FREM1: variants seen among roughly 807,000 people sequenced by gnomAD.
The protein encoded by FREM1 is FRAS1 related extracellular matrix 1.
Under a neutral mutation model 210.1 loss-of-function variants are expected in FREM1, and 220 were observed. The observed-to-expected ratio is 1.05, with a 90% CI of 0.94 to 1.17. The LOEUF is 1.17. Among genes scored for constraint, FREM1 ranks in the 50% most tolerant of loss-of-function variants. FREM1 has a pLI of 0.00. For missense variants in FREM1, 3,454 were observed against 2,675.5 expected (o/e 1.29, Z -6.42); for synonymous variants, 1,189 against 980.2 (o/e 1.21, Z -3.98).
In FREM1 at chr9:14,759,611, G is replaced by A. The variant is rs182553535; in HGVS notation, c.5334+161C>T. The stretch of plus-strand genomic sequence containing the variant: ...TTTATGAACTTAGATGATGGATGGA[G>A]GGCCAAGGAGGTTTTGTGCTTAGAA... On this transcript the variant is annotated intron_variant, in intron 28 of 36. Transcript: ENST00000380880. 2.8e-4 allele frequency among the ~76,000 whole-genome samples: 42 copies of A among 151,904 alleles called. 1 individual carries two copies. The highest frequency in any genetic ancestry group is 9.9e-4 in the African/African-American group (41 of 41,432).
At chr9:14,786,898 C>T (rs547599859) in intron 23 of FREM1, among the ~76,000 whole-genome samples, 2 of 152,228 alleles carry the variant, frequency 1.3e-5, no homozygotes, top group South Asian at 4.1e-4. Flanking sequence ...ACACAAAGCA[C>T]CCACGAGAGG....
chr9:14,749,985 C>T (rs1843068691), intron 30 of FREM1, 142 bp downstream of exon 30: 7 of 800,668 alleles, frequency 8.7e-6, no homozygotes, highest in Non-Finnish European at 1.4e-5. Flanking sequence ...GAATAAAGGG[C>T]CTACATCACG....
At chr9:14,765,833 T>C (rs1412192308) in intron 27 of FREM1, among the ~76,000 whole-genome samples, 3 of 152,196 alleles carry the variant, frequency 2.0e-5, no homozygotes, top group Non-Finnish European at 4.4e-5. Flanking sequence ...CATTCAACAT[T>C]GCTTTTGAAG....
intron 11 of FREM1, 141 bp from the exon 12 acceptor site, chr9:14,824,256 G>C (rs1821917024): frequency 1.7e-6 from 1 of 598,044 alleles, no homozygotes; most frequent in Non-Finnish European, 3.0e-6. Context: ...TTTATGTTGG[G>C]AGATTCTAGC....
At chr9:14,852,706 A>C (rs1828000101) in intron 5 of FREM1, among the ~76,000 whole-genome samples, 1 of 152,144 alleles carries the variant, frequency 6.6e-6, no homozygotes, top group Non-Finnish European at 1.5e-5. Flanking sequence ...AAAGAAAAGA[A>C]TCCTCATAGC....
chr9:14,860,533 G>GTATATATATACACA (rs1554706946), intron 3 of FREM1, among the ~76,000 whole-genome samples: 5 of 77,916 alleles, frequency 6.4e-5, no homozygotes, highest in Non-Finnish European at 9.3e-5. Context: ...TAGTAGGTAT[G>GTATATATATACACA]TATATATATA....
intron 10 of FREM1, among the ~76,000 whole-genome samples, chr9:14,833,433 T>G (rs1823952682): frequency 6.6e-6 from 1 of 152,174 alleles, no homozygotes; most frequent in South Asian, 2.1e-4. Flanking sequence ...GAGGAGAGCT[T>G]AGGGGCTAAA....
intron 21 of FREM1, among the ~76,000 whole-genome samples, chr9:14,793,715 G>T (rs1461705161): frequency 1.3e-5 from 2 of 152,156 alleles, no homozygotes; most frequent in African/African-American, 4.8e-5. Flanking sequence ...GAGAAAAATT[G>T]GGATGCCTGA....
At chr9:14,741,270 C>T (rs572446806) in intron 35 of FREM1, among the ~76,000 whole-genome samples, 1 of 152,232 alleles carries the variant, frequency 6.6e-6, no homozygotes, top group South Asian at 2.1e-4. Flanking sequence ...TTTATTTTGC[C>T]TATGTCTTTT....
chr9:14,744,641 C>G lies in FREM1; in HGVS notation c.6254+1712G>C, dbSNP rs544541375. ...CTGATGGAGAAAATATCAAGTATTTCTAAACATCAATAACAAAAAACAAAT... is the reference window on the plus strand; with the variant it reads ...CTGATGGAGAAAATATCAAGTATTTGTAAACATCAATAACAAAAAACAAAT... On this transcript the variant is annotated intron_variant, in intron 35 of 36. Coordinates refer to ENST00000380880, the MANE Select transcript of FREM1 (RefSeq NM_001379081.2). Among the ~76,000 whole-genome samples the G allele has an allele frequency of 3.9e-5, 6 of 152,038 alleles. No homozygotes were observed. The East Asian group carries it at 5.8e-4, about 15-fold the overall frequency.
chr9:14,845,859 A>T, intron 8 of FREM1, 101 bp downstream of exon 8: 1 of 1,207,994 alleles, frequency 8.3e-7, no homozygotes, highest in South Asian at 1.4e-5. Flanking sequence ...TTTCATTGAG[A>T]AATTGGGCCC....
rs1332861155 is a variant in FREM1, at chr9:14,851,547, C to G, written c.889G>C (p.Ala297Pro). 6.2e-6 allele frequency: 10 copies of G among 1,613,974 alleles called. No homozygotes were observed. The highest frequency in any genetic ancestry group is 8.5e-6 in the Non-Finnish European group (10 of 1,179,856). Reference protein sequence around the residue: ...RAGIPNQIPKAAFMAVFILEV... With the variant: ...RAGIPNQIPKPAFMAVFILEV... ...AGAATAAACACGGCCATGAATGCAG[C>G]CTTTGGAATCTGATTCGGAATTCCA... The change falls in exon 6 of 37, where the codon GCT becomes CCT. Residue 297 changes from alanine (A) to proline (P), a missense_variant. Transcript: ENST00000380880.
At chr9:14,848,159 CT>C (rs1285740394) in intron 7 of FREM1, among the ~76,000 whole-genome samples, 11 of 152,228 alleles carry the variant, frequency 7.2e-5, no homozygotes, top group African/African-American at 2.7e-4. Context: ...ACATTTACAT[CT>C]GATCAACATA....
rs369918312 is a variant in FREM1 at position 14,805,126 on chromosome 9, C to T, written c.3301G>A (p.Ala1101Thr). Residue 1101 changes from alanine to threonine, a missense_variant, in exon 19 of 37, where the codon GCT becomes ACT. Ala to Thr is a moderately conservative substitution (Grantham distance 58). Transcript: ENST00000380880. ...IDSFQWKDMN[A>T]FHINYVQSRH... ...GACTGCACATAGTTAATGTGAAAAG[C>T]GTTCATGTCTTTCCACTGAAATGAA... is the stretch of plus-strand genomic sequence containing the variant. The T allele has an allele frequency of 2.9e-5, 45 of 1,576,456 alleles. No individual in the cohort carries two copies. Among genetic ancestry groups the T allele is most frequent in the Admixed American group, 1.4e-4 (8 of 56,158 alleles).
chr9:14,786,195 A>C (rs75924956), intron 23 of FREM1, among the ~76,000 whole-genome samples: 11,484 of 152,250 alleles, frequency 0.075, 702 homozygotes, highest in African/African-American at 0.15. Flanking sequence ...ATGCTAACTT[A>C]CCTGCTTGTG....
chr9:14,777,326 A>T (rs1848778977), intron 24 of FREM1, among the ~76,000 whole-genome samples: 1 of 152,216 alleles, frequency 6.6e-6, no homozygotes, highest in African/African-American at 2.4e-5. Flanking sequence ...TTTTTATTTC[A>T]ATAAGATTAA....
At chr9:14,766,053 G>A (rs1171918701) in intron 27 of FREM1, among the ~76,000 whole-genome samples, 2 of 152,110 alleles carry the variant, frequency 1.3e-5, no homozygotes, top group Admixed American at 6.5e-5. Context: ...GTCAAGGGGT[G>A]CAGCCAGGGG....
Position 14,813,009 on chromosome 9 carries a change from A to G in FREM1, c.2696T>C (p.Met899Thr), listed in dbSNP as rs1451030780. The G allele has an allele frequency of 1.9e-6, 3 of 1,613,894 alleles. No individual in the cohort carries two copies. Among genetic ancestry groups the G allele is most frequent in the Admixed American group, 3.3e-5 (2 of 60,012 alleles). ...CACCTCTCCTCCCTCTGAGCAATTC[A>G]TGACAGGCATGAGGTCAGCCTTTAA... ...PVLKADLMPV[M>T]NCSEGGEVVI... Residue 899 changes from methionine to threonine, a missense_variant, in exon 16 of 37, where the codon ATG becomes ACG. By Grantham distance (81) the Met-to-Thr change is moderately conservative. Coordinates refer to ENST00000380880, the MANE Select transcript of FREM1 (RefSeq NM_001379081.2).
rs1850111359 is a variant in FREM1, at chr9:14,784,520, T to C, written c.4292A>G (p.Tyr1431Cys). Residue 1431 changes from tyrosine (Y) to cysteine (C), a missense_variant, in exon 24 of 37, where the codon TAT (tyrosine) becomes TGT (cysteine). Tyr to Cys is a radical substitution (Grantham distance 194). Transcript: ENST00000380880. Reference protein sequence around the residue: ...DGTDKPEELLYVITSPPRYGQ... With the variant: ...DGTDKPEELLCVITSPPRYGQ... Reference sequence around the variant, plus strand: ...ATATCGCGGAGGGGAGGTGATGACATAGAGCAGTTCCTCAGGCTTGTCTGT... The same window carrying C: ...ATATCGCGGAGGGGAGGTGATGACACAGAGCAGTTCCTCAGGCTTGTCTGT... The C allele has an allele frequency of 6.2e-7, 1 of 1,613,696 alleles. No homozygotes were observed. Among genetic ancestry groups the C allele is most frequent in the Non-Finnish European group, 8.5e-7 (1 of 1,179,732 alleles).
Sources: gnomAD v4.1 joint callset for allele counts (sites outside exome capture counted in the v4.1 genomes callset) on GRCh38, gnomAD v4.1.1 for gene constraint, MANE v1.5 for transcripts, NCBI Gene and HGNC (gene_info 2026-07-23, HGNC 2026-07-21) for gene names.